C8orf76: variants seen among roughly 807,000 people sequenced by gnomAD.
C8orf76 encodes chromosome 8 open reading frame 76, also known as uncharacterized protein C8orf76.
In C8orf76, 46 loss-of-function variants were observed where a neutral mutation model predicts 38.1. The ratio of observed to expected loss-of-function variants is 1.21; its 90% CI spans 0.95 to 1.54. The LOEUF (loss-of-function observed/expected upper bound fraction) is 1.54, where lower values mean the gene tolerates loss of function less well. Among genes scored for constraint, C8orf76 ranks in the 40% most tolerant of loss-of-function variants. The pLI, the probability that C8orf76 is intolerant of heterozygous loss-of-function variation, is 0.00. For missense variants in C8orf76, 461 were observed against 441.6 expected, an observed-to-expected ratio of 1.04 and a Z score of -0.39; for synonymous variants, 166 against 167.5, an observed-to-expected ratio of 0.99 and a Z score of 0.07.
chr8:123,233,002 A>G (rs1032081546), intron 3 of C8orf76, among the ~76,000 whole-genome samples: 21 of 152,172 alleles, frequency 1.4e-4, no homozygotes, highest in African/African-American at 4.6e-4. Flanking sequence ...ACCAGTCTAT[A>G]GGGCTTTATA....
chr8:123,239,571 A>C (rs1477084225), intron 1 of C8orf76: 1 of 159,388 alleles, frequency 6.3e-6, no homozygotes, highest in African/African-American at 2.4e-5. Context: ...AATGCAACCA[A>C]ATACCAAAAA....
chr8:123,235,101 G>C (rs1825413086), intron 3 of C8orf76, among the ~76,000 whole-genome samples: 1 of 152,212 alleles, frequency 6.6e-6, no homozygotes, highest in African/African-American at 2.4e-5. Context: ...TGAAATGTTT[G>C]TTGAGTGCTG....
rs148508110 is a variant in C8orf76, at chr8:123,220,926, T to C, written c.949-629A>G. ...ACCCACTAAGTAAGCAGACTGACCTTGGGTAATGACAATGAACTAAAATTA... is the reference window on the plus strand; with the variant it reads ...ACCCACTAAGTAAGCAGACTGACCTCGGGTAATGACAATGAACTAAAATTA... On this transcript the variant is annotated intron_variant, in intron 5 of 5. Coordinates refer to ENST00000276704, the MANE Select transcript of C8orf76 (RefSeq NM_032847.3). 3.0e-3 allele frequency among the ~76,000 whole-genome samples: 461 copies of C among 152,324 alleles called. 2 individuals are homozygous for C. The highest frequency in any genetic ancestry group is 0.011 in the African/African-American group (438 of 41,570).
At chr8:123,224,674 C>T (rs913243996) in intron 5 of C8orf76, among the ~76,000 whole-genome samples, 1 of 152,170 alleles carries the variant, frequency 6.6e-6, no homozygotes, top group Non-Finnish European at 1.5e-5. Flanking sequence ...AACGAGGGCC[C>T]AGACATTTTC....
At chr8:123,230,409 C>T (rs1374735552) in intron 4 of C8orf76, among the ~76,000 whole-genome samples, 1 of 152,170 alleles carries the variant, frequency 6.6e-6, no homozygotes. Flanking sequence ...CTCCCTTTTT[C>T]AGTGTTTTAT....
At chr8:123,236,353 T>G (rs912965283) in intron 3 of C8orf76, among the ~76,000 whole-genome samples, 1 of 152,094 alleles carries the variant, frequency 6.6e-6, no homozygotes, top group Admixed American at 6.6e-5. Flanking sequence ...ATATAAAATT[T>G]ACACAACAAT....
At chr8:123,224,090 A>C (rs1824959518) in intron 5 of C8orf76, among the ~76,000 whole-genome samples, 1 of 152,040 alleles carries the variant, frequency 6.6e-6, no homozygotes, top group Non-Finnish European at 1.5e-5. Context: ...AACAATGATT[A>C]AGATGGCAAA....
intron 1 of C8orf76, 146 bp from the exon 2 acceptor site, chr8:123,239,290 A>G (rs1470588625): frequency 2.5e-6 from 2 of 787,954 alleles, no homozygotes; most frequent in African/African-American, 3.5e-5. Flanking sequence ...ACTCCTGAGC[A>G]CAAGTGATCC....
intron 3 of C8orf76, among the ~76,000 whole-genome samples, chr8:123,236,687 G>A (rs901069864): frequency 6.6e-6 from 1 of 151,902 alleles, no homozygotes; most frequent in African/African-American, 2.4e-5. Context: ...AGGAGGCTGA[G>A]GCAGGAGAAT....
chr8:123,233,196 T>G (rs562010693), intron 3 of C8orf76, among the ~76,000 whole-genome samples: 2 of 146,446 alleles, frequency 1.4e-5, no homozygotes, highest in South Asian at 2.1e-4. Flanking sequence ...AATTTTTGCA[T>G]AAAGTAAAGA....
intron 3 of C8orf76, 71 bp downstream of exon 3, chr8:123,237,727 G>C: frequency 1.3e-6 from 2 of 1,503,320 alleles, no homozygotes; most frequent in Admixed American, 4.6e-5. Context: ...AGTTTGTTTT[G>C]TTTTCAAAAA....
chr8:123,230,482 C>T (rs1382027566), intron 4 of C8orf76, among the ~76,000 whole-genome samples: 1 of 152,106 alleles, frequency 6.6e-6, no homozygotes, highest in East Asian at 1.9e-4. Flanking sequence ...TGGACAATGA[C>T]ACAGGTTATA....
In C8orf76 at chr8:123,239,052, A is replaced by C. The variant is rs1464688484; in HGVS notation, c.210T>G (p.Tyr70Ter). The C allele has an allele frequency of 6.2e-7, 1 of 1,613,932 alleles. No homozygotes were observed. Among genetic ancestry groups the C allele is most frequent in the Non-Finnish European group, 8.5e-7 (1 of 1,179,984 alleles). ...KGDLAYRRQEYQKALQEYSSI... is the reference protein window; with the variant it reads ...KGDLAYRRQE ...AGCACCATATGTTGAATTCTACCTG[A>C]TACTCTTGTCGTCTGTAGGCCAGGT... is the stretch of plus-strand genomic sequence containing the variant. Residue 70 changes from tyrosine to a stop codon, truncating the protein, a stop_gained, in exon 2 of 6, where the codon TAT becomes TAG. Transcript: ENST00000276704. LOFTEE classifies it high-confidence loss of function.
Position 123,239,128 on chromosome 8 carries a change from G to A in C8orf76, c.134C>T (p.Thr45Ile). Residue 45 changes from threonine (T) to isoleucine (I), a missense_variant, in exon 2 of 6, where the codon ACA becomes ATA. Physicochemically the swap from Thr to Ile is moderately conservative, Grantham distance 89. Transcript: ENST00000276704. ...LCEPQWFYEE[T>I]ESSDDVEVLT... ...CACTTCAACATCATCACTGCTTTCT[G>A]TTTCTTCATAAAACCACTTGAAATC... 1 of 1,614,014 alleles carries A rather than the reference G, an allele frequency of 6.2e-7. No homozygotes were observed.
chr8:123,227,273 T>TA (rs1442961807), intron 4 of C8orf76, among the ~76,000 whole-genome samples: 6 of 150,106 alleles, frequency 4.0e-5, no homozygotes, highest in African/African-American at 1.5e-4. Flanking sequence ...TTTTTTTTTT[T>TA]AATAAATACT....
chr8:123,228,936 GTGCAAGGTCAGACCGCT>G (rs1268978438), intron 4 of C8orf76, among the ~76,000 whole-genome samples: 2 of 152,208 alleles, frequency 1.3e-5, no homozygotes, highest in African/African-American at 2.4e-5. Flanking sequence ...TAAGGAATGT[GTGCAAGGTCAGACCGCT>G]TGCAAGAGTT....
intron 3 of C8orf76, among the ~76,000 whole-genome samples, chr8:123,236,011 A>T (rs1825462234): frequency 6.6e-6 from 1 of 152,210 alleles, no homozygotes; most frequent in Admixed American, 6.5e-5. Context: ...TAGGAAGTCG[A>T]TTTATCTATC....
chr8:123,221,761 C>T (rs932155759), intron 5 of C8orf76, among the ~76,000 whole-genome samples: 1 of 151,738 alleles, frequency 6.6e-6, no homozygotes, highest in Admixed American at 6.6e-5. Context: ...TAAAAATCAG[C>T]CGGGTATGGC....
At chr8:123,229,026 G>GTCCTACT (rs1479184231) in intron 4 of C8orf76, among the ~76,000 whole-genome samples, 5 of 152,210 alleles carry the variant, frequency 3.3e-5, no homozygotes, top group Admixed American at 3.3e-4. Context: ...TGACGCCAAA[G>GTCCTACT]TCCTACTTCC....
Sources: gnomAD v4.1 joint callset for allele counts (sites outside exome capture counted in the v4.1 genomes callset) on GRCh38, gnomAD v4.1.1 for gene constraint, MANE v1.5 for transcripts, NCBI Gene and HGNC (gene_info 2026-07-23, HGNC 2026-07-21) for gene names.